The following STYK1 variants were observed in gnomAD, a reference collection of about 807,000 sequenced individuals.
The protein encoded by STYK1 is STY kinase 1.
Under a neutral mutation model 48.1 loss-of-function variants are expected in STYK1, and 46 were observed. The observed-to-expected ratio is 0.96, with a 90% CI of 0.75 to 1.22. The LOEUF (loss-of-function observed/expected upper bound fraction) is 1.22, where lower values mean the gene tolerates loss of function less well. Among genes scored for constraint, STYK1 ranks in the 50% most tolerant of loss-of-function variants. STYK1 has a pLI of 0.00. For synonymous variants in STYK1, 188 were observed against 189.0 expected (o/e 0.99, Z 0.04); for missense variants, 527 against 521.1 (o/e 1.01, Z -0.11).
intron 1 of STYK1, among the ~76,000 whole-genome samples, chr12:10,650,689 C>T (rs1402464098): frequency 6.6e-6 from 1 of 152,018 alleles, no homozygotes; most frequent in Non-Finnish European, 1.5e-5. Flanking sequence ...TTTGGGAAAC[C>T]AATTCAGTGA....
At chr12:10,655,045 T>G (rs1263225809) in intron 1 of STYK1, among the ~76,000 whole-genome samples, 1 of 152,190 alleles carries the variant, frequency 6.6e-6, no homozygotes, top group Non-Finnish European at 1.5e-5. Flanking sequence ...ACAAACCAGT[T>G]GTAGGAATGG....
intron 1 of STYK1, among the ~76,000 whole-genome samples, chr12:10,660,732 TTA>T (rs1209900987): frequency 2.0e-5 from 3 of 152,156 alleles, no homozygotes; most frequent in Non-Finnish European, 4.4e-5. Context: ...TATACACTAA[TTA>T]TAATGTATTA....
intron 1 of STYK1, among the ~76,000 whole-genome samples, chr12:10,644,150 G>A (rs1054143028): frequency 6.6e-6 from 1 of 152,168 alleles, no homozygotes; most frequent in African/African-American, 2.4e-5. Flanking sequence ...TAGAGAGACA[G>A]AAAATAGATC....
chr12:10,668,325 G>A (rs188254834), intron 1 of STYK1, among the ~76,000 whole-genome samples: 1 of 151,782 alleles, frequency 6.6e-6, no homozygotes, highest in Non-Finnish European at 1.5e-5. Flanking sequence ...ACTCTACACT[G>A]TCTGTCTGTG....
chr12:10,661,489 C>T (rs150897726), intron 1 of STYK1, among the ~76,000 whole-genome samples: 6 of 152,318 alleles, frequency 3.9e-5, no homozygotes, highest in Admixed American at 2.0e-4. Flanking sequence ...CTCTGCTATT[C>T]CTTAACTGAT....
At chr12:10,646,562 G>T (rs1399796340) in intron 1 of STYK1, among the ~76,000 whole-genome samples, 1 of 152,224 alleles carries the variant, frequency 6.6e-6, no homozygotes, top group Non-Finnish European at 1.5e-5. Flanking sequence ...AAAATTTGCA[G>T]CCTGACAATG....
At position 10,629,564 on chromosome 12, in the gene STYK1, G is replaced by A. The variant is rs1463222331; in HGVS notation, c.562C>T (p.Leu188=). The change falls in exon 6 of 11, where the codon CTG becomes TTG. Residue 188 remains leucine, a synonymous_variant. Coordinates refer to ENST00000075503, the MANE Select transcript of STYK1 (RefSeq NM_018423.3). ...VQLEGCCTEK[L]PLYMVLEDVA... ...TCCTCCAACACCATATAGAGTGGCA[G>A]CTTTTCAGTGCAGCAGCCTTCCAGC... 3.1e-6 allele frequency: 5 copies of A among 1,614,182 alleles called. No homozygotes were observed. The highest frequency in any genetic ancestry group is 2.2e-5 in the East Asian group (1 of 44,874).
intron 1 of STYK1, among the ~76,000 whole-genome samples, chr12:10,642,952 A>C (rs73264038): frequency 0.02 from 3,069 of 152,212 alleles, 100 homozygotes; most frequent in African/African-American, 0.07. Flanking sequence ...GGTTCCGCTG[A>C]TATCACTTAT....
At chr12:10,667,468 A>T (rs1947844951) in intron 1 of STYK1, 2 of 151,976 alleles carry the variant, frequency 1.3e-5, no homozygotes, top group South Asian at 4.2e-4. Context: ...TAAAAAAAAA[A>T]AAAATACAAA....
intron 1 of STYK1, among the ~76,000 whole-genome samples, chr12:10,639,137 C>A (rs983423923): frequency 6.6e-6 from 1 of 151,730 alleles, no homozygotes; most frequent in African/African-American, 2.4e-5. Context: ...GGAAAAAAAA[C>A]AAAAACAAAA....
At chr12:10,621,623 CA>C (rs1452597189) in intron 10 of STYK1, among the ~76,000 whole-genome samples, 1 of 151,838 alleles carries the variant, frequency 6.6e-6, no homozygotes. Flanking sequence ...ATATAGTTCT[CA>C]GCGTGTGGTG....
chr12:10,635,081 G>A (rs1947471519), intron 2 of STYK1, among the ~76,000 whole-genome samples: 2 of 152,234 alleles, frequency 1.3e-5, no homozygotes, highest in East Asian at 1.9e-4. Flanking sequence ...TATTAAGCAT[G>A]TCTAATATAT....
At chr12:10,634,490 C>T (rs1366603863) in intron 3 of STYK1, 77 bp downstream of exon 3, 1 of 1,458,258 alleles carries the variant, frequency 6.9e-7, no homozygotes, top group Non-Finnish European at 9.6e-7. Context: ...AAATCATCCT[C>T]CTTCTAGAAT....
At chr12:10,657,066 AC>A (rs78358152) in intron 1 of STYK1, among the ~76,000 whole-genome samples, 40 of 212 alleles carry the variant, frequency 0.19, no homozygotes, top group African/African-American at 0.35. Flanking sequence ...CCTGGAAGAT[AC>A]TGGAAGTGTC....
At chr12:10,631,459 T>C (rs183905398) in intron 4 of STYK1, 151 bp from the exon 5 acceptor site, 11 of 992,894 alleles carry the variant, frequency 1.1e-5, no homozygotes, top group Admixed American at 2.8e-5. Flanking sequence ...TAAACCAGCA[T>C]CAATGTCAAG....
rs772128929 is a variant in STYK1, at chr12:10,672,476, G to A, written c.-195+1490C>T. Among the ~76,000 whole-genome samples the A allele has an allele frequency of 5.3e-5, 8 of 152,084 alleles. No individual in the cohort carries two copies. Among genetic ancestry groups the A allele is most frequent in the Non-Finnish European group, 8.8e-5 (6 of 68,014 alleles). ...GGTCTCAAACTCCTGAACTCAGGGC[G>A]ATCCACCCACCAACTCCTCCTAAAG... On this transcript the variant is annotated intron_variant, in intron 1 of 10. Transcript: ENST00000075503. The surrounding 1 kb of genome is among the most constrained non-coding windows in gnomAD (Gnocchi z 4.0).
At chr12:10,624,102 AT>A (rs1224631241) in intron 8 of STYK1, among the ~76,000 whole-genome samples, 8 of 150,332 alleles carry the variant, frequency 5.3e-5, no homozygotes, top group African/African-American at 2.0e-4. Flanking sequence ...TTTTTTTCTA[AT>A]TAAGGCTGCT....
At chr12:10,671,789 G>A (rs1459844262) in intron 1 of STYK1, among the ~76,000 whole-genome samples, 2 of 152,242 alleles carry the variant, frequency 1.3e-5, no homozygotes, top group Non-Finnish European at 2.9e-5. Flanking sequence ...GCACATGTTG[G>A]TTGGGACTGG....
rs376079114 is a variant in STYK1 at position 10,634,641 on chromosome 12, C to T, written c.-23G>A. 1,256 of 1,614,050 alleles carry T rather than the reference C, an allele frequency of 7.8e-4. 18 individuals are homozygous for T. The South Asian group carries it at 0.013, about 17-fold the overall frequency. ...CATTGCCACAGGGCTGTCCCCTTCC[C>T]TGCTAGGCCCACAGAGAATGCACAC... On this transcript the variant is annotated 5_prime_UTR_variant, in exon 3 of 11. Coordinates refer to ENST00000075503, the MANE Select transcript of STYK1 (RefSeq NM_018423.3).
Sources: allele counts gnomAD v4.1 joint callset (sites outside exome capture counted in the v4.1 genomes callset), GRCh38; gene constraint gnomAD v4.1.1; non-coding constraint Gnocchi (gnomAD v3.1); transcripts MANE v1.5; gene names NCBI Gene and HGNC (gene_info 2026-07-23, HGNC 2026-07-21).